The following PRR16 variants were observed in gnomAD, a reference collection of about 807,000 sequenced individuals.
PRR16 encodes protein Largen.
A neutral mutation model predicts 18.2 loss-of-function variants in PRR16; 6 were observed. That is an observed-to-expected ratio of 0.33 (90% CI 0.18 to 0.65). The LOEUF is 0.65. Ranked by LOEUF, PRR16 falls within the 30% of genes least tolerant of loss-of-function variation. PRR16 has a pLI of 0.74. For synonymous variants in PRR16, 151 were observed against 147.8 expected (o/e 1.02, Z -0.16); for missense variants, 412 against 376.6 (o/e 1.09, Z -0.78).
chr5:120,778,550 T>C, the PRR16 span, among the ~76,000 whole-genome samples: 11 of 152,164 alleles, frequency 7.2e-5, no homozygotes, highest in Admixed American at 6.5e-4. Flanking sequence ...AATAGACAAC[T>C]AGATGTTTTC....
At chr5:120,580,615 CGG>C (rs1753240970) in intron 1 of PRR16, among the ~76,000 whole-genome samples, 1 of 151,760 alleles carries the variant, frequency 6.6e-6, no homozygotes, top group Non-Finnish European at 1.5e-5. Flanking sequence ...CCACCACACC[CGG>C]CTAATTTTTT....
chr5:120,791,658 CATCT>C, the PRR16 span, among the ~76,000 whole-genome samples: 19 of 150,728 alleles, frequency 1.3e-4, no homozygotes, highest in East Asian at 2.1e-3. Flanking sequence ...ATCTATCTAT[CATCT>C]ATCTATCATC....
chr5:120,500,883 T>G (rs1457046183), intron 1 of PRR16, among the ~76,000 whole-genome samples: 1 of 152,082 alleles, frequency 6.6e-6, no homozygotes, highest in African/African-American at 2.4e-5. Flanking sequence ...AAATTTTATG[T>G]TTTTTCTTTT....
intron 1 of PRR16, among the ~76,000 whole-genome samples, chr5:120,558,909 T>A (rs578230237): frequency 6.6e-6 from 1 of 152,188 alleles, no homozygotes; most frequent in South Asian, 2.1e-4. Flanking sequence ...GTTGAACACC[T>A]TTTCATTTGC....
At chr5:120,785,720 T>G in the PRR16 span, among the ~76,000 whole-genome samples, 1 of 151,448 alleles carries the variant, frequency 6.6e-6, no homozygotes, top group Non-Finnish European at 1.5e-5. Flanking sequence ...CTACAGGACC[T>G]GCTACCATGC....
intron 1 of PRR16, among the ~76,000 whole-genome samples, chr5:120,652,188 G>A (rs574748087): frequency 1.3e-5 from 2 of 152,094 alleles, no homozygotes; most frequent in East Asian, 1.9e-4. Flanking sequence ...TTTGATCATC[G>A]ATTTAGATGA....
At chr5:120,534,307 C>T (rs1224128543) in intron 1 of PRR16, among the ~76,000 whole-genome samples, 8 of 152,140 alleles carry the variant, frequency 5.3e-5, no homozygotes, top group African/African-American at 1.9e-4. Flanking sequence ...GCCCCACACA[C>T]ATCTATTGGT....
intron 1 of PRR16, among the ~76,000 whole-genome samples, chr5:120,650,051 C>G (rs1028231860): frequency 4.0e-5 from 6 of 151,794 alleles, no homozygotes; most frequent in African/African-American, 1.5e-4. Flanking sequence ...AACCCTCTCT[C>G]TACAAAAAAT....
intron 1 of PRR16, among the ~76,000 whole-genome samples, chr5:120,478,512 A>T (rs1341128298): frequency 6.6e-6 from 1 of 152,124 alleles, no homozygotes; most frequent in Non-Finnish European, 1.5e-5. Context: ...CTGAGTTTTT[A>T]AAAAATATTA....
the PRR16 span, among the ~76,000 whole-genome samples, chr5:120,785,569 G>GTTTTTTTTTTTT: frequency 8.3e-4 from 83 of 99,620 alleles, 1 homozygote; most frequent in African/African-American, 2.9e-3. Flanking sequence ...GTGTTTTGTT[G>GTTTTTTTTTTTT]TTGTTGTTTT....
chr5:120,775,632 C>CT, the PRR16 span, among the ~76,000 whole-genome samples: 773 of 137,550 alleles, frequency 5.6e-3, 4 homozygotes, highest in East Asian at 0.023. Context: ...TTTCTTTCTC[C>CT]TTTTTTTTTT....
At chr5:120,571,880 C>T (rs936357437) in intron 1 of PRR16, among the ~76,000 whole-genome samples, 5 of 152,198 alleles carry the variant, frequency 3.3e-5, no homozygotes, top group Middle Eastern at 3.4e-3. Context: ...CTATAGGATC[C>T]AAGACAGCTT....
At chr5:120,575,083 T>A (rs1753029429) in intron 1 of PRR16, among the ~76,000 whole-genome samples, 1 of 136,474 alleles carries the variant, frequency 7.3e-6, no homozygotes, top group South Asian at 2.1e-4. Flanking sequence ...TTATTGTTAA[T>A]CTCAGAATAT....
chr5:120,619,002 A>G lies in PRR16; in HGVS notation c.160-66952A>G, dbSNP rs377736168. ...AAGTGCTGTAGGCCCAGCTTTTCCC[A>G]CTGGAATAAAGTCTTGATGGTCTAT... On this transcript the variant is annotated intron_variant, in intron 1 of 1. Coordinates refer to ENST00000407149, the MANE Select transcript of PRR16 (RefSeq NM_001300783.2). 4.5e-4 allele frequency among the ~76,000 whole-genome samples: 69 copies of G among 152,186 alleles called. 3 individuals carry two copies. The South Asian group carries it at 0.012, about 27-fold the overall frequency.
At chr5:120,502,896 G>T (rs973036346) in intron 1 of PRR16, among the ~76,000 whole-genome samples, 1 of 152,096 alleles carries the variant, frequency 6.6e-6, no homozygotes, top group East Asian at 1.9e-4. Context: ...CTACTTTTAG[G>T]AGGCAAATGA....
At chr5:120,694,826 T>TAA in the PRR16 span, among the ~76,000 whole-genome samples, 2 of 152,190 alleles carry the variant, frequency 1.3e-5, no homozygotes, top group African/African-American at 4.8e-5. Flanking sequence ...TTCGTGAAAC[T>TAA]AAAGTCTAAT....
intron 1 of PRR16, among the ~76,000 whole-genome samples, chr5:120,614,266 C>T (rs1043329520): frequency 1.3e-5 from 2 of 152,208 alleles, no homozygotes; most frequent in Admixed American, 6.5e-5. Flanking sequence ...TGTTCTCATA[C>T]TGTGGGCTTT....
the PRR16 span, among the ~76,000 whole-genome samples, chr5:120,734,035 A>AT: frequency 8.9e-4 from 135 of 151,412 alleles, no homozygotes; most frequent in African/African-American, 2.9e-3. Flanking sequence ...TGTGTGACTG[A>AT]TTTTTTTTTG....
At chr5:120,698,577 G>T in the PRR16 span, among the ~76,000 whole-genome samples, 18 of 150,486 alleles carry the variant, frequency 1.2e-4, no homozygotes, top group African/African-American at 4.4e-4. Flanking sequence ...CTAGACAGAA[G>T]ATAGTAGGGA....
Sources: gnomAD v4.1 joint callset for allele counts (sites outside exome capture counted in the v4.1 genomes callset) on GRCh38, gnomAD v4.1.1 for gene constraint, MANE v1.5 for transcripts, NCBI Gene and HGNC (gene_info 2026-07-23, HGNC 2026-07-21) for gene names.